The following TMEM38A variants were observed in gnomAD, a reference collection of about 807,000 sequenced individuals.
TMEM38A encodes the protein transmembrane protein 38A.
In TMEM38A, 17 loss-of-function variants were observed where a neutral mutation model predicts 28.6. The ratio of observed to expected loss-of-function variants is 0.60; its 90% confidence interval spans 0.41 to 0.89. The LOEUF is 0.89. TMEM38A is among the 40% of genes least tolerant of loss of function. The probability of loss-of-function intolerance (pLI) is 0.00; values close to 1 mark genes in which losing one functional copy is unlikely to be tolerated. For synonymous variants in TMEM38A, 169 were observed against 166.1 expected (o/e 1.02, Z -0.14); for missense variants, 328 against 393.1 (o/e 0.83, Z 1.40).
chr19:16,682,627 C>T, intron 4 of TMEM38A, 119 bp downstream of exon 4: 1 of 832,740 alleles, frequency 1.2e-6, no homozygotes, highest in Non-Finnish European at 2.0e-6. Context: ...CTTTCAGGAG[C>T]TTTCAGAGGC....
rs752952543 is a variant in TMEM38A at position 16,661,214 on chromosome 19, C to CAGGCGG, written c.-4_-3insAGGCGG. ...GGCACCCGGCAGGCGGGCAGGCGGG[C>CAGGCGG]GCCATGGAGCTGCTCTCGGCGCTGA... On this transcript the variant is annotated 5_prime_UTR_variant, in exon 1 of 6. Coordinates refer to ENST00000187762, the MANE Select transcript of TMEM38A (RefSeq NM_024074.4). This position sits in a 1 kb window ranked among gnomAD's most constrained non-coding sequence, Gnocchi z 6.5. 8 of 1,482,454 alleles carry CAGGCGG rather than the reference C, an allele frequency of 5.4e-6. No homozygotes were observed. The highest frequency in any genetic ancestry group is 2.1e-5 in the Admixed American group (1 of 47,872). The allele number at this position is 1,482,454 out of a possible 1,614,324, so 91.8% of individuals were successfully genotyped here.
chr19:16,682,480 G>A lies in TMEM38A; in HGVS notation c.526G>A (p.Glu176Lys). The change falls in exon 4 of 6, where the codon GAG becomes AAG. Residue 176 changes from glutamate to lysine, a missense_variant. Coordinates refer to ENST00000187762, the MANE Select transcript of TMEM38A (RefSeq NM_024074.4). ...GCTGCTCCGAGGGGTCTGGAAGCCA[G>A]AGACCAACGAGATCCTGCACATGTC... ...EQLLRGVWKPETNEILHMSFP... is the reference protein window; with the variant it reads ...EQLLRGVWKPKTNEILHMSFP... 1 of 1,614,104 alleles carries A rather than the reference G, an allele frequency of 6.2e-7. No individual in the cohort carries two copies. Among genetic ancestry groups the A allele is most frequent in the Non-Finnish European group, 8.5e-7 (1 of 1,180,010 alleles).
intron 3 of TMEM38A, chr19:16,680,827 G>T: frequency 2.0e-6 from 1 of 506,276 alleles, no homozygotes; most frequent in Non-Finnish European, 3.6e-6. Context: ...AGCATTGCCA[G>T]AGCAGGTTTT....
intron 1 of TMEM38A, among the ~76,000 whole-genome samples, chr19:16,671,131 T>C (rs1389823077): frequency 1.3e-5 from 2 of 151,346 alleles, no homozygotes; most frequent in African/African-American, 2.4e-5. Context: ...TGAAAACCTA[T>C]TGGCTTCATG....
chr19:16,668,066 A>G (rs972949046), intron 1 of TMEM38A, among the ~76,000 whole-genome samples: 1 of 151,788 alleles, frequency 6.6e-6, no homozygotes, highest in Non-Finnish European at 1.5e-5. Context: ...AAAATTAGCC[A>G]GGCGTGATGG....
At chr19:16,669,210 C>CTT (rs1317572961) in intron 1 of TMEM38A, among the ~76,000 whole-genome samples, 8 of 136,812 alleles carry the variant, frequency 5.8e-5, no homozygotes, top group Non-Finnish European at 8.0e-5. Context: ...GCAGTTTTAA[C>CTT]TTTTTTTTTT....
intron 1 of TMEM38A, among the ~76,000 whole-genome samples, chr19:16,679,423 G>A (rs916955202): frequency 7.9e-5 from 12 of 151,944 alleles, no homozygotes; most frequent in Admixed American, 2.6e-4. Context: ...AGCCTCCTGA[G>A]TAGCTGGGAT....
Position 16,680,568 on chromosome 19 carries a change from T to C in TMEM38A, c.453T>C (p.Thr151=), listed in dbSNP as rs780881995. ...ACGGGTGGTTCGTCATGATTGCAAC[T>C]GGGTGGGTCAAAGGTAAATAGGATG... The part of the protein sequence containing the change: ...YHHGWFVMIA[T]GWVKGSGVAL... The change falls in exon 3 of 6, where the codon ACT becomes ACC. Residue 151 remains threonine, a synonymous_variant. Coordinates refer to ENST00000187762, the MANE Select transcript of TMEM38A (RefSeq NM_024074.4). 1 of 1,613,910 alleles carries C rather than the reference T, an allele frequency of 6.2e-7. No individual in the cohort carries two copies. Among genetic ancestry groups the C allele is most frequent in the Non-Finnish European group, 8.5e-7 (1 of 1,179,854 alleles).
At position 16,661,144 on chromosome 19, in the gene TMEM38A, C is replaced by A. The variant is rs983387676; in HGVS notation, c.-74C>A. The A allele has an allele frequency of 1.4e-5, 15 of 1,034,688 alleles. No homozygotes were observed. The highest frequency in any genetic ancestry group is 8.7e-5 in the African/African-American group (5 of 57,784). 64.1% of individuals were successfully genotyped at this position (1,034,688 alleles called of 1,614,324 possible). On this transcript the variant is annotated 5_prime_UTR_variant, in exon 1 of 6. Transcript: ENST00000187762. This position sits in a 1 kb window ranked among gnomAD's most constrained non-coding sequence, Gnocchi z 6.5. ...GCGGGCCCAGCTGCGGGGGCGCAGT[C>A]GCCGGGCCGCGGGCGGCGGGACGGA...
intron 1 of TMEM38A, among the ~76,000 whole-genome samples, chr19:16,662,436 C>CTTTTTTTTTTTTTTTTTTTTTTTTTTTTT (rs35226829): frequency 1.3e-5 from 1 of 75,862 alleles, no homozygotes; most frequent in Non-Finnish European, 2.5e-5. Flanking sequence ...TAAATGCACG[C>CTTTTTTTTTTTTTTTTTTTTTTTTTTTTT]TTTTTTTTTT....
At position 16,665,022 on chromosome 19, in the gene TMEM38A, C is replaced by T. The variant is rs576720199; in HGVS notation, c.124+3681C>T. 1.7e-4 allele frequency among the ~76,000 whole-genome samples: 25 copies of T among 151,480 alleles called. No homozygotes were observed. In the South Asian group the frequency reaches 1.7e-3, roughly 10 times the overall value. Reference sequence around the variant, plus strand: ...TAAAAAATACAAAAATGGCTAGGCGCGGTGTCTCATGCCTGTAATCCGAGC... The same window carrying T: ...TAAAAAATACAAAAATGGCTAGGCGTGGTGTCTCATGCCTGTAATCCGAGC... On this transcript the variant is annotated intron_variant, in intron 1 of 5. Transcript: ENST00000187762.
intron 1 of TMEM38A, among the ~76,000 whole-genome samples, chr19:16,678,609 A>G (rs1237862092): frequency 6.6e-6 from 1 of 151,506 alleles, no homozygotes; most frequent in Non-Finnish European, 1.5e-5. Context: ...TAAATATACA[A>G]AAAATTAGCC....
At chr19:16,673,172 C>T (rs1811100618) in intron 1 of TMEM38A, among the ~76,000 whole-genome samples, 1 of 152,168 alleles carries the variant, frequency 6.6e-6, no homozygotes. Flanking sequence ...ACCTCCACCT[C>T]CCGGGTTCAA....
Position 16,661,368 on chromosome 19 carries a change from G to T in TMEM38A, c.124+27G>T. On this transcript the variant is annotated intron_variant, in intron 1 of 5. Coordinates refer to ENST00000187762, the MANE Select transcript of TMEM38A (RefSeq NM_024074.4). The surrounding 1 kb of genome is among the most constrained non-coding windows in gnomAD (Gnocchi z 6.5). ...TGAGCCGGGGCGGGGGGCTGGAGGG[G>T]ACCGGCAGCGGGTGGCGCGGGCCGG... 1 of 1,551,946 alleles carries T rather than the reference G, an allele frequency of 6.4e-7. No individual in the cohort carries two copies. Among genetic ancestry groups the T allele is most frequent in the Non-Finnish European group, 8.7e-7 (1 of 1,147,066 alleles).
intron 1 of TMEM38A, among the ~76,000 whole-genome samples, chr19:16,663,664 G>A (rs576357309): frequency 3.3e-5 from 5 of 151,522 alleles, no homozygotes; most frequent in African/African-American, 1.2e-4. Flanking sequence ...AAGTAGCTGG[G>A]ACTACAGGCG....
At chr19:16,663,560 G>A (rs377381976) in intron 1 of TMEM38A, among the ~76,000 whole-genome samples, 4 of 149,338 alleles carry the variant, frequency 2.7e-5, no homozygotes, top group South Asian at 2.1e-4. Flanking sequence ...ACGGAGTCTC[G>A]CTCTGTCGCC....
chr19:16,679,827 G>A (rs962321675), intron 1 of TMEM38A, among the ~76,000 whole-genome samples, 157 bp from the exon 2 acceptor site: 5 of 152,190 alleles, frequency 3.3e-5, no homozygotes, highest in Admixed American at 2.6e-4. Context: ...TCAGGCATGC[G>A]TACAGCCTCT....
chr19:16,683,750 C>A (rs952598145), intron 4 of TMEM38A, among the ~76,000 whole-genome samples: 21 of 151,974 alleles, frequency 1.4e-4, no homozygotes, highest in Non-Finnish European at 1.5e-5. Flanking sequence ...GTGGGCAGAT[C>A]ACCTGAGGTC....
At chr19:16,667,549 C>G (rs1238777602) in intron 1 of TMEM38A, among the ~76,000 whole-genome samples, 1 of 152,062 alleles carries the variant, frequency 6.6e-6, no homozygotes, top group African/African-American at 2.4e-5. Context: ...CCAGACTCAC[C>G]TAGGGAGATT....
Sources: allele counts gnomAD v4.1 joint callset (sites outside exome capture counted in the v4.1 genomes callset), GRCh38; gene constraint gnomAD v4.1.1; non-coding constraint Gnocchi (gnomAD v3.1); transcripts MANE v1.5; gene names NCBI Gene and HGNC (gene_info 2026-07-23, HGNC 2026-07-21).